The following LINGO2 variants were observed in gnomAD, a reference collection of about 807,000 sequenced individuals.
LINGO2 encodes the protein leucine rich repeat and Ig domain containing 2, also known as leucine-rich repeat and immunoglobulin-like domain-containing nogo receptor-interacting protein 2.
In LINGO2, 14 loss-of-function variants were observed where a neutral mutation model predicts 30.6. That is an observed-to-expected ratio of 0.46 (90% CI 0.30 to 0.72). LINGO2 has a LOEUF of 0.72. Ranked by LOEUF, LINGO2 falls within the 30% of genes least tolerant of loss-of-function variation. LINGO2 has a pLI of 0.07. For synonymous variants in LINGO2, 317 were observed against 288.5 expected, an observed-to-expected ratio of 1.10 and a Z score of -1.00; for missense variants, 729 against 751.7, an observed-to-expected ratio of 0.97 and a Z score of 0.35.
At chr9:28,374,202 GTT>G (rs150464638) in intron 2 of LINGO2, among the ~76,000 whole-genome samples, 24,927 of 123,804 alleles carry the variant, frequency 0.2, 3,194 homozygotes, top group African/African-American at 0.38. Flanking sequence ...TTAAAAATAT[GTT>G]TTTATTTATA....
the LINGO2 span, among the ~76,000 whole-genome samples, chr9:29,130,604 A>G: frequency 1.3e-5 from 2 of 152,156 alleles, no homozygotes; most frequent in Non-Finnish European, 2.9e-5. Flanking sequence ...ACTTTAAACT[A>G]GTGATCTAAT....
At chr9:29,092,037 CA>C in the LINGO2 span, among the ~76,000 whole-genome samples, 1 of 151,794 alleles carries the variant, frequency 6.6e-6, no homozygotes, top group Admixed American at 6.6e-5. Context: ...TAATAATAAG[CA>C]AAATAAATAA....
the LINGO2 span, among the ~76,000 whole-genome samples, chr9:29,200,006 G>C: frequency 6.6e-6 from 1 of 151,910 alleles, no homozygotes; most frequent in Non-Finnish European, 1.5e-5. Context: ...GAATATCACA[G>C]GAAATTATCA....
intron 5 of LINGO2, among the ~76,000 whole-genome samples, chr9:28,002,921 G>A (rs1175880175): frequency 2.0e-5 from 3 of 152,164 alleles, no homozygotes; most frequent in Non-Finnish European, 1.5e-5. Flanking sequence ...GTATGTGTGA[G>A]TGTGCCCTAC....
chr9:28,784,834 C>T, the LINGO2 span, among the ~76,000 whole-genome samples: 1 of 151,764 alleles, frequency 6.6e-6, no homozygotes, highest in South Asian at 2.1e-4. Flanking sequence ...CACCTGTAAT[C>T]CTAACTGGGA....
the LINGO2 span, among the ~76,000 whole-genome samples, chr9:28,942,952 A>T: frequency 6.6e-6 from 1 of 152,194 alleles, no homozygotes; most frequent in African/African-American, 2.4e-5. Context: ...TGTGTGTTGA[A>T]CATTGAGTTG....
the LINGO2 span, among the ~76,000 whole-genome samples, chr9:29,163,525 T>G: frequency 6.6e-6 from 1 of 152,160 alleles, no homozygotes; most frequent in Admixed American, 6.5e-5. Flanking sequence ...TTCTACTATA[T>G]CCTAGGAAAG....
intron 4 of LINGO2, among the ~76,000 whole-genome samples, chr9:28,152,551 AAGAG>A (rs1307135304): frequency 1.3e-5 from 2 of 152,250 alleles, no homozygotes; most frequent in South Asian, 2.1e-4. Flanking sequence ...ATGAAACAAA[AAGAG>A]AGAACCTCAC....
chr9:29,091,810 G>C, the LINGO2 span, among the ~76,000 whole-genome samples: 750 of 152,064 alleles, frequency 4.9e-3, 10 homozygotes, highest in African/African-American at 0.017. Context: ...GTTACATAAG[G>C]TCTACAAAGT....
the LINGO2 span, among the ~76,000 whole-genome samples, chr9:28,917,827 A>C: frequency 6.6e-6 from 1 of 152,116 alleles, no homozygotes; most frequent in Non-Finnish European, 1.5e-5. Flanking sequence ...AAGATGATTG[A>C]ATCAAGGTGC....
chr9:29,211,450 C>G, the LINGO2 span, among the ~76,000 whole-genome samples: 1 of 152,130 alleles, frequency 6.6e-6, no homozygotes, highest in Admixed American at 6.6e-5. Context: ...ATCAAATAAA[C>G]TGAACTCCAA....
chr9:28,754,847 G>A, the LINGO2 span, among the ~76,000 whole-genome samples: 1 of 151,940 alleles, frequency 6.6e-6, no homozygotes, highest in East Asian at 1.9e-4. Flanking sequence ...TAGCCAGGAT[G>A]GTCTTGATCT....
At chr9:28,291,308 T>G (rs986944649) in intron 4 of LINGO2, among the ~76,000 whole-genome samples, 8 of 152,286 alleles carry the variant, frequency 5.3e-5, no homozygotes, top group African/African-American at 1.9e-4. Flanking sequence ...GGCATTGAAG[T>G]GAACAGAAAA....
At chr9:28,364,370 T>C (rs1407319985) in intron 3 of LINGO2, among the ~76,000 whole-genome samples, 2 of 151,988 alleles carry the variant, frequency 1.3e-5, no homozygotes, top group East Asian at 3.9e-4. Context: ...TGTTGTTTTC[T>C]AACACGGATA....
At chr9:28,763,979 G>A in the LINGO2 span, among the ~76,000 whole-genome samples, 1 of 151,584 alleles carries the variant, frequency 6.6e-6, no homozygotes, top group African/African-American at 2.4e-5. Context: ...AGAAGAAATA[G>A]AAAGTCTGAA....
intron 4 of LINGO2, among the ~76,000 whole-genome samples, chr9:28,189,128 T>C (rs1819652015): frequency 6.6e-6 from 1 of 151,972 alleles, no homozygotes; most frequent in Admixed American, 6.6e-5. Context: ...ACAAAGTTCC[T>C]GAGGTTAGCT....
chr9:28,387,328 C>T (rs750454873), intron 2 of LINGO2, among the ~76,000 whole-genome samples: 5 of 152,058 alleles, frequency 3.3e-5, no homozygotes, highest in Admixed American at 6.6e-5. Context: ...CACCAATTGG[C>T]GCTCTGTGTC....
intron 3 of LINGO2, among the ~76,000 whole-genome samples, chr9:28,372,273 A>C (rs1820933084): frequency 6.6e-6 from 1 of 152,190 alleles, no homozygotes; most frequent in African/African-American, 2.4e-5. Context: ...ATGTTTTCTA[A>C]TAGCTATTGG....
chr9:29,161,368 G>A, the LINGO2 span, among the ~76,000 whole-genome samples: 2 of 152,170 alleles, frequency 1.3e-5, no homozygotes, highest in African/African-American at 4.8e-5. Context: ...CTCAGCTGAG[G>A]CTGGAACCTG....
Sources: gnomAD v4.1 joint callset for allele counts (sites outside exome capture counted in the v4.1 genomes callset) on GRCh38, gnomAD v4.1.1 for gene constraint, MANE v1.5 for transcripts, NCBI Gene and HGNC (gene_info 2026-07-23, HGNC 2026-07-21) for gene names.